KCNQ1OT1: variants seen among roughly 807,000 people sequenced by gnomAD.
The protein encoded by KCNQ1OT1 is KCNQ1 opposite strand/antisense transcript 1, also known as KCNQ1 antisense RNA 2 (non-protein coding).
chr11:2,660,218 C>T (rs1330258688), exon 1 of KCNQ1OT1: 1 of 397,500 alleles, frequency 2.5e-6, no homozygotes, highest in African/African-American at 2.1e-5. Flanking sequence ...TATGTAGTAC[C>T]CTTTAAATTT....
At position 2,652,986 on chromosome 11, in the gene KCNQ1OT1, A is replaced by G. The variant is rs1849780693; in HGVS notation, n.47009T>C. ...CGGAAGTCATCTTTGACTGTGTCAC[A>G]TCACTGTCATGCTTGAGGCAAATCT... On this transcript the variant is annotated non_coding_transcript_exon_variant, in exon 1 of 1. Transcript: ENST00000597346. The surrounding 1 kb of genome is among the most constrained non-coding windows in gnomAD (Gnocchi z 5.9). 1.0e-5 allele frequency: 4 copies of G among 398,548 alleles called. No homozygotes were observed. The highest frequency in any genetic ancestry group is 2.1e-5 in the African/African-American group (1 of 48,634). 24.7% of individuals were successfully genotyped at this position (398,548 alleles called of 1,614,324 possible). A position where few individuals can be genotyped will look rare whatever the true frequency, so the allele number is the denominator to read the frequency against.
exon 1 of KCNQ1OT1, chr11:2,610,073 A>G (rs4930139): frequency 0.19 from 75,115 of 397,500 alleles, 7,312 homozygotes; most frequent in South Asian, 0.31. Context: ...TCTATGTACT[A>G]TTTCTTGTTC....
chr11:2,643,080 A>G (rs1849604997), exon 1 of KCNQ1OT1: 8 of 398,056 alleles, frequency 2.0e-5, no homozygotes, highest in South Asian at 1.3e-4. Flanking sequence ...GTGTCCTAAC[A>G]TATAATGTAT....
chr11:2,632,480 A>T (rs1449277176), exon 1 of KCNQ1OT1: 1 of 398,398 alleles, frequency 2.5e-6, no homozygotes, highest in Non-Finnish European at 4.4e-6. Context: ...CACCATTATG[A>T]TGCTCCTTGT....
chr11:2,651,924 CCTA>C lies in KCNQ1OT1; in HGVS notation n.48068_48070del. 1 of 398,740 alleles carries C rather than the reference CCTA, an allele frequency of 2.5e-6. No homozygotes were observed. Among genetic ancestry groups the C allele is most frequent in the Admixed American group, 4.4e-5 (1 of 22,742 alleles). The allele number at this position is 398,740 out of a possible 1,614,324, so 24.7% of individuals were successfully genotyped here. On this transcript the variant is annotated non_coding_transcript_exon_variant, in exon 1 of 1. Transcript: ENST00000597346. This position sits in a 1 kb window ranked among gnomAD's most constrained non-coding sequence, Gnocchi z 6.1. ...TCCCTCTGGGGCCGCTTGCTCTCCT[CCTA>C]CTCACAGCCCTCCTGCAGCCAGCAG...
At position 2,627,592 on chromosome 11, in the gene KCNQ1OT1, C is replaced by T. The variant is rs1849282063; in HGVS notation, n.72403G>A. ...CTGGCTATTTCACTTAGCATAATAT[C>T]CTCCAGGTTCATCTATGTTGTCATA... On this transcript the variant is annotated non_coding_transcript_exon_variant, in exon 1 of 1. Coordinates refer to ENST00000597346, the Ensembl canonical transcript of KCNQ1OT1. This position sits in a 1 kb window ranked among gnomAD's most constrained non-coding sequence, Gnocchi z 4.9. 1 of 398,452 alleles carries T rather than the reference C, an allele frequency of 2.5e-6. No individual in the cohort carries two copies. Among genetic ancestry groups the T allele is most frequent in the African/African-American group, 2.1e-5 (1 of 48,660 alleles). 24.7% of individuals were successfully genotyped at this position (398,452 alleles called of 1,614,324 possible). A position where few individuals can be genotyped will look rare whatever the true frequency, so the allele number is the denominator to read the frequency against.
chr11:2,617,386 T>A lies in KCNQ1OT1; in HGVS notation n.82609A>T, dbSNP rs1020569572. 2.5e-6 allele frequency: 1 copy of A among 398,474 alleles called. No homozygotes were observed. The allele number at this position is 398,474 out of a possible 1,614,324, so 24.7% of individuals were successfully genotyped here. A position where few individuals can be genotyped will look rare whatever the true frequency, so the allele number is the denominator to read the frequency against. On this transcript the variant is annotated non_coding_transcript_exon_variant, in exon 1 of 1. Transcript: ENST00000597346. This position sits in a 1 kb window ranked among gnomAD's most constrained non-coding sequence, Gnocchi z 4.6. ...GCACAATGTCTTCCAGTTTCATCCA[T>A]GTGGCAAGTGGCAGGATCTCCTTTT...
chr11:2,612,496 A>T lies in KCNQ1OT1; in HGVS notation n.87499T>A. 2.5e-6 allele frequency: 1 copy of T among 398,476 alleles called. No homozygotes were observed. Among genetic ancestry groups the T allele is most frequent in the South Asian group, 1.3e-4 (1 of 7,858 alleles). 24.7% of individuals were successfully genotyped at this position (398,476 alleles called of 1,614,324 possible). On this transcript the variant is annotated non_coding_transcript_exon_variant, in exon 1 of 1. Transcript: ENST00000597346. The surrounding 1 kb of genome is among the most constrained non-coding windows in gnomAD (Gnocchi z 5.5). ...TATGGATCTGCGTTGAAGTTCATTG[A>T]TTCTTTCTTCTGCCAGGTCAAATTT...
chr11:2,689,362 G>A, exon 1 of KCNQ1OT1: 1 of 398,692 alleles, frequency 2.5e-6, no homozygotes, highest in Non-Finnish European at 4.4e-6. Flanking sequence ...GGTCAGCCTT[G>A]GGAAGAGGTG....
chr11:2,640,236 C>A (rs1267731453), exon 1 of KCNQ1OT1: 2 of 395,878 alleles, frequency 5.1e-6, no homozygotes, highest in Admixed American at 4.4e-5. Flanking sequence ...TCTTGACGAG[C>A]CCCAGTGAGA....
Position 2,617,739 on chromosome 11 carries a change from G to A in KCNQ1OT1, n.82256C>T. 5.0e-6 allele frequency: 2 copies of A among 398,516 alleles called. No homozygotes were observed. Among genetic ancestry groups the A allele is most frequent in the African/African-American group, 2.1e-5 (1 of 48,718 alleles). The allele number at this position is 398,516 out of a possible 1,614,324, so 24.7% of individuals were successfully genotyped here. A position where few individuals can be genotyped will look rare whatever the true frequency, so the allele number is the denominator to read the frequency against. Reference sequence around the variant, plus strand: ...TTAATAGCTATTCTCATGAGTGTGAGGTGATATCGCATAGTAATTTTGATT... The same window carrying A: ...TTAATAGCTATTCTCATGAGTGTGAAGTGATATCGCATAGTAATTTTGATT... On this transcript the variant is annotated non_coding_transcript_exon_variant, in exon 1 of 1. Coordinates refer to ENST00000597346, the Ensembl canonical transcript of KCNQ1OT1. This position sits in a 1 kb window ranked among gnomAD's most constrained non-coding sequence, Gnocchi z 4.6.
chr11:2,690,350 T>G lies in KCNQ1OT1; in HGVS notation n.9645A>C, dbSNP rs2133891254. The G allele has an allele frequency of 5.0e-6, 2 of 398,722 alleles. No individual in the cohort carries two copies. Among genetic ancestry groups the G allele is most frequent in the South Asian group, 2.5e-4 (2 of 7,860 alleles). 24.7% of individuals were successfully genotyped at this position (398,722 alleles called of 1,614,324 possible). A position where few individuals can be genotyped will look rare whatever the true frequency, so the allele number is the denominator to read the frequency against. ...GTCAAGTCTGAGGCTGCCCTGCAGC[T>G]GCTGTTTCCACTACTTGGCATGGAA... On this transcript the variant is annotated non_coding_transcript_exon_variant, in exon 1 of 1. Coordinates refer to ENST00000597346, the Ensembl canonical transcript of KCNQ1OT1. This position sits in a 1 kb window ranked among gnomAD's most constrained non-coding sequence, Gnocchi z 5.1.
exon 1 of KCNQ1OT1, chr11:2,688,287 A>T (rs1197965535): frequency 1.3e-5 from 5 of 398,646 alleles, no homozygotes; most frequent in African/African-American, 2.1e-5. Flanking sequence ...TTAGACAAGG[A>T]AAATGAAGAC....
chr11:2,674,831 TTAAAAA>T lies in KCNQ1OT1; in HGVS notation n.25158_25163del, dbSNP rs1184075461. On this transcript the variant is annotated non_coding_transcript_exon_variant, in exon 1 of 1. Coordinates refer to ENST00000597346, the Ensembl canonical transcript of KCNQ1OT1. This position sits in a 1 kb window ranked among gnomAD's most constrained non-coding sequence, Gnocchi z 5.9. ...GGCTTGTCACCCTAATAGCTGTTTT[TTAAAAA>T]AAAAAAAAAAAAAAAAAAAAAAAGC... 3.5e-5 allele frequency: 13 copies of T among 367,962 alleles called. No individual in the cohort carries two copies. The highest frequency in any genetic ancestry group is 2.1e-4 in the African/African-American group (8 of 38,652). The allele number at this position is 367,962 out of a possible 1,614,324, so 22.8% of individuals were successfully genotyped here.
chr11:2,630,506 T>G (rs1300039003), exon 1 of KCNQ1OT1: 3 of 398,276 alleles, frequency 7.5e-6, no homozygotes, highest in Non-Finnish European at 1.3e-5. Context: ...TTATTTTTGA[T>G]GCCCCAAGGT....
At chr11:2,610,855 A>C (rs900216111) in exon 1 of KCNQ1OT1, 3 of 397,264 alleles carry the variant, frequency 7.6e-6, no homozygotes, top group Non-Finnish European at 4.4e-6. Context: ...GGAGGGTATT[A>C]AGCAGAGTGC....
Position 2,661,831 on chromosome 11 carries a change from T to A in KCNQ1OT1, n.38164A>T. 2.6e-6 allele frequency: 3 copies of A among 1,175,528 alleles called. No homozygotes were observed. The South Asian group carries it at 3.8e-5, about 15-fold the overall frequency. 72.8% of individuals were successfully genotyped at this position (1,175,528 alleles called of 1,614,324 possible). ...CCCCAACACCCAACTATAAAACTGATTGTCAGGGCTGGAGCTTCCAGGCAC... is the reference window on the plus strand; with the variant it reads ...CCCCAACACCCAACTATAAAACTGAATGTCAGGGCTGGAGCTTCCAGGCAC... On this transcript the variant is annotated non_coding_transcript_exon_variant, in exon 1 of 1. Transcript: ENST00000597346. This position sits in a 1 kb window ranked among gnomAD's most constrained non-coding sequence, Gnocchi z 5.9.
Position 2,682,305 on chromosome 11 carries a change from C to G in KCNQ1OT1, n.17690G>C. The G allele has an allele frequency of 2.5e-6, 1 of 398,610 alleles. No individual in the cohort carries two copies. The highest frequency in any genetic ancestry group is 4.4e-5 in the Admixed American group (1 of 22,730). The allele number at this position is 398,610 out of a possible 1,614,324, so 24.7% of individuals were successfully genotyped here. A position where few individuals can be genotyped will look rare whatever the true frequency, so the allele number is the denominator to read the frequency against. On this transcript the variant is annotated non_coding_transcript_exon_variant, in exon 1 of 1. Coordinates refer to ENST00000597346, the Ensembl canonical transcript of KCNQ1OT1. The surrounding 1 kb of genome is among the most constrained non-coding windows in gnomAD (Gnocchi z 5.8). ...TGTAAAAAATCACATACCTCCCCTCCCATTCTTAATGTGTAACTGTGTGTT... is the reference window on the plus strand; with the variant it reads ...TGTAAAAAATCACATACCTCCCCTCGCATTCTTAATGTGTAACTGTGTGTT...
exon 1 of KCNQ1OT1, chr11:2,614,223 G>C (rs1589982167): frequency 7.5e-6 from 3 of 398,510 alleles, no homozygotes; most frequent in South Asian, 1.3e-4. Flanking sequence ...ATTTGCAAGA[G>C]CCTCCACTAT....
Sources: allele counts gnomAD v4.1 joint callset, GRCh38; gene constraint gnomAD v4.1.1; non-coding constraint Gnocchi (gnomAD v3.1); transcripts MANE v1.5; gene names NCBI Gene and HGNC (gene_info 2026-07-23, HGNC 2026-07-21).